The following EEA1 variants were observed in gnomAD, a reference collection of about 807,000 sequenced individuals.
The protein encoded by EEA1 is early endosome antigen 1, 162kD.
EEA1 carries 111 observed loss-of-function variants against 209.2 expected under a neutral mutation model. That is an observed-to-expected ratio of 0.53 (90% CI 0.45 to 0.62). The LOEUF (loss-of-function observed/expected upper bound fraction) is 0.62. Among genes scored for constraint, EEA1 ranks in the 20% least tolerant of loss-of-function variants. EEA1 has a pLI of 0.00. For missense variants in EEA1, 1,343 were observed against 1,530.8 expected, an observed-to-expected ratio of 0.88 and a Z score of 2.05; for synonymous variants, 536 against 540.6, an observed-to-expected ratio of 0.99 and a Z score of 0.12.
chr12:92,872,589 A>G (rs1878702996), intron 2 of EEA1, among the ~76,000 whole-genome samples: 5 of 151,986 alleles, frequency 3.3e-5, no homozygotes, highest in Admixed American at 2.0e-4. Flanking sequence ...ATACCTAACA[A>G]TATCTATATT....
rs1565867691 is a variant in EEA1, at chr12:92,929,114, G to A, written c.-48C>T. ...GCCGCGGTGACTCTCCAGACCCTGC[G>A]CGGGGCCACTCACTACTCGGGGTGC... On this transcript the variant is annotated 5_prime_UTR_variant, in exon 1 of 29. Transcript: ENST00000322349. The A allele has an allele frequency of 1.3e-6, 2 of 1,559,146 alleles. No homozygotes were observed. Among genetic ancestry groups the A allele is most frequent in the South Asian group, 2.3e-5 (2 of 85,240 alleles).
In EEA1 at chr12:92,798,479, G is replaced by A. The variant is rs964503866; in HGVS notation, c.2967+413C>T. Among the ~76,000 whole-genome samples, 5 of 151,684 alleles carry A rather than the reference G, an allele frequency of 3.3e-5. 1 individual carries two copies. The South Asian group carries it at 6.3e-4, about 19-fold the overall frequency. ...TGGGATTACAGGAATGCACCACCACGCCCAGCTAATTTGTGTATTTTTAGT... is the reference window on the plus strand; with the variant it reads ...TGGGATTACAGGAATGCACCACCACACCCAGCTAATTTGTGTATTTTTAGT... On this transcript the variant is annotated intron_variant, in intron 21 of 28. Transcript: ENST00000322349.
chr12:92,884,243 G>A (rs1879285321), intron 2 of EEA1: 20 of 1,517,876 alleles, frequency 1.3e-5, no homozygotes, highest in South Asian at 6.7e-5. Context: ...CCATGACTCC[G>A]TGGATAAGAC....
intron 24 of EEA1, 100 bp from the exon 25 acceptor site, chr12:92,779,400 G>A (rs1259042970): frequency 1.9e-6 from 2 of 1,064,752 alleles, no homozygotes; most frequent in African/African-American, 1.7e-5. Context: ...TCAAATATAG[G>A]TTTTACCCAC....
chr12:92,884,648 G>T lies in EEA1; in HGVS notation c.117+6981C>A, dbSNP rs1338674012. ...ATACTTTGCCAAACCATGAAACCAA[G>T]GTGGCTATGGTGGTTCCAGTAGCAG... On this transcript the variant is annotated intron_variant, in intron 2 of 28. Coordinates refer to ENST00000322349, the MANE Select transcript of EEA1 (RefSeq NM_003566.4). The T allele has an allele frequency of 4.8e-6, 6 of 1,255,532 alleles. No individual in the cohort carries two copies. In the Admixed American group the frequency reaches 1.0e-4, roughly 21 times the overall value. The allele number at this position is 1,255,532 out of a possible 1,614,324, so 77.8% of individuals were successfully genotyped here.
chr12:92,884,891 T>C (rs1432323181), intron 2 of EEA1, among the ~76,000 whole-genome samples: 1 of 151,760 alleles, frequency 6.6e-6, no homozygotes, highest in Non-Finnish European at 1.5e-5. Context: ...TGACTAATTG[T>C]ATAACAAGTC....
intron 26 of EEA1, 129 bp downstream of exon 26, chr12:92,777,812 G>A (rs1430165124): frequency 8.1e-7 from 1 of 1,235,182 alleles, no homozygotes; most frequent in African/African-American, 1.5e-5. Context: ...ATTTTTAAAT[G>A]GCTACTTAAA....
chr12:92,838,853 T>C (rs954999311), intron 10 of EEA1, among the ~76,000 whole-genome samples: 14 of 152,206 alleles, frequency 9.2e-5, no homozygotes, highest in African/African-American at 2.9e-4. Flanking sequence ...CACCAAAGTA[T>C]AATACAGTTG....
rs886432386 is a variant in EEA1 at position 92,813,055 on chromosome 12, T to C, written c.1968A>G (p.Ala656=). The change falls in exon 16 of 29, where the codon GCA becomes GCG. Residue 656 remains alanine (A), a synonymous_variant. Coordinates refer to ENST00000322349, the MANE Select transcript of EEA1 (RefSeq NM_003566.4). Reference sequence around the variant, plus strand: ...GATCAGCTCTTTGAGCAGTTTTTGCTGCTTCTGCTGATAGTAATAGTTCGG... The same window carrying C: ...GATCAGCTCTTTGAGCAGTTTTTGCCGCTTCTGCTGATAGTAATAGTTCGG... The part of the protein sequence containing the change: ...AKTELLLSAE[A]AKTAQRADLQ... 1 of 1,597,486 alleles carries C rather than the reference T, an allele frequency of 6.3e-7. No homozygotes were observed. Among genetic ancestry groups the C allele is most frequent in the Non-Finnish European group, 8.6e-7 (1 of 1,168,538 alleles).
At chr12:92,844,020 T>G (rs1300339594) in intron 9 of EEA1, among the ~76,000 whole-genome samples, 1 of 152,134 alleles carries the variant, frequency 6.6e-6, no homozygotes, top group Non-Finnish European at 1.5e-5. Flanking sequence ...GTGGCTTTGA[T>G]TCTAAGTTTT....
chr12:92,802,351 A>AT (rs1361536642), intron 19 of EEA1, 53 bp downstream of exon 19: 2 of 1,466,940 alleles, frequency 1.4e-6, no homozygotes, highest in Non-Finnish European at 1.8e-6. Flanking sequence ...AAATCAGTAC[A>AT]TTTTAAATAA....
intron 1 of EEA1, among the ~76,000 whole-genome samples, chr12:92,908,612 A>T (rs548286283): frequency 2.2e-5 from 2 of 92,668 alleles, no homozygotes; most frequent in Non-Finnish European, 4.6e-5. Context: ...GCCAAAAAAA[A>T]TTGCTAAAAA....
chr12:92,850,903 T>C (rs112876502), intron 9 of EEA1, among the ~76,000 whole-genome samples: 203 of 152,218 alleles, frequency 1.3e-3, no homozygotes, highest in African/African-American at 4.8e-3. Context: ...ATAATCTTTA[T>C]GCAAATATTC....
chr12:92,840,503 G>GA (rs1877121333), intron 10 of EEA1, among the ~76,000 whole-genome samples: 2 of 152,140 alleles, frequency 1.3e-5, no homozygotes, highest in Non-Finnish European at 2.9e-5. Context: ...AATAGAATGG[G>GA]ATTTCACCAT....
chr12:92,788,480 A>G (rs1288040475), intron 21 of EEA1, among the ~76,000 whole-genome samples: 1 of 152,190 alleles, frequency 6.6e-6, no homozygotes, highest in African/African-American at 2.4e-5. Context: ...TTGGAAATTC[A>G]AGAATAACTT....
chr12:92,783,470 C>G (rs1179384754), intron 22 of EEA1, among the ~76,000 whole-genome samples: 2 of 152,160 alleles, frequency 1.3e-5, no homozygotes, highest in Non-Finnish European at 2.9e-5. Flanking sequence ...AACTTCACAG[C>G]TGACAACCTG....
chr12:92,864,554 T>A (rs2136723246), intron 3 of EEA1, among the ~76,000 whole-genome samples: 1 of 152,330 alleles, frequency 6.6e-6, no homozygotes, highest in South Asian at 2.1e-4. Context: ...TAAAGTCATC[T>A]AAGCAAATCG....
intron 3 of EEA1, among the ~76,000 whole-genome samples, chr12:92,863,884 T>C: frequency 6.6e-6 from 1 of 152,188 alleles, no homozygotes; most frequent in East Asian, 1.9e-4. Flanking sequence ...CTGGACACAG[T>C]CTAATTCATA....
At chr12:92,914,293 G>C (rs1880684987) in intron 1 of EEA1, among the ~76,000 whole-genome samples, 1 of 151,998 alleles carries the variant, frequency 6.6e-6, no homozygotes, top group African/African-American at 2.4e-5. Flanking sequence ...ATATCAATTA[G>C]TATAAGTATG....
Sources: gnomAD v4.1 joint callset for allele counts (sites outside exome capture counted in the v4.1 genomes callset) on GRCh38, gnomAD v4.1.1 for gene constraint, MANE v1.5 for transcripts, NCBI Gene and HGNC (gene_info 2026-07-23, HGNC 2026-07-21) for gene names.